The following NCAPD3 variants were observed in gnomAD, a reference collection of about 807,000 sequenced individuals.
NCAPD3 encodes non-SMC condensin II complex subunit D3, also known as condensin-2 complex subunit D3.
A neutral mutation model predicts 182.9 loss-of-function variants in NCAPD3; 105 were observed. That is an observed-to-expected ratio of 0.57 (90% CI 0.49 to 0.68). The LOEUF is 0.68. Among genes scored for constraint, NCAPD3 ranks in the 30% least tolerant of loss-of-function variants. The pLI, the probability that NCAPD3 is intolerant of heterozygous loss-of-function variation, is 0.00. For synonymous variants in NCAPD3, 815 were observed against 679.9 expected (o/e 1.20, Z -3.09); for missense variants, 1,944 against 1,837.0 (o/e 1.06, Z -1.07).
chr11:134,184,671 C>A lies in NCAPD3; in HGVS notation c.2417G>T (p.Cys806Phe), dbSNP rs1323805585. 6.2e-7 allele frequency: 1 copy of A among 1,613,826 alleles called. No homozygotes were observed. The highest frequency in any genetic ancestry group is 8.5e-7 in the Non-Finnish European group (1 of 1,179,862). ...SSAVDALQRLCRASAETPAEE... is the reference protein window; with the variant it reads ...SSAVDALQRLFRASAETPAEE... ...TGCTGGTGTCTCTGCAGATGCTCTACAAAGCCTCTGCAAGGCGTCAACAGC... is the reference window on the plus strand; with the variant it reads ...TGCTGGTGTCTCTGCAGATGCTCTAAAAAGCCTCTGCAAGGCGTCAACAGC... Residue 806 changes from cysteine (C) to phenylalanine (F), a missense_variant, in exon 19 of 35, where the codon TGT (cysteine) becomes TTT (phenylalanine). Coordinates refer to ENST00000534548, the MANE Select transcript of NCAPD3 (RefSeq NM_015261.3).
chr11:134,181,010 C>G (rs1211469442), intron 20 of NCAPD3, 67 bp downstream of exon 20: 2 of 1,193,420 alleles, frequency 1.7e-6, no homozygotes, highest in East Asian at 4.8e-5. Flanking sequence ...ATGACAAAGT[C>G]ATCTTTAATA....
rs780629837 is a variant in NCAPD3 at position 134,208,879 on chromosome 11, A to G, written c.867T>C (p.His289=). ...YGLYLLCSPI[H]GEGDKVISCV... is the part of the protein sequence containing the mutation. Reference sequence around the variant, plus strand: ...TCTCCTTTACCTTATCTCCTTCTCCATGAATGGGAGAGCACAGCAAATACA... The same window carrying G: ...TCTCCTTTACCTTATCTCCTTCTCCGTGAATGGGAGAGCACAGCAAATACA... The change falls in exon 7 of 35, where the codon CAT becomes CAC. Residue 289 remains histidine, a synonymous_variant. Transcript: ENST00000534548. 19 of 1,612,144 alleles carry G rather than the reference A, an allele frequency of 1.2e-5. No homozygotes were observed. In the Admixed American group the frequency reaches 3.2e-4, roughly 27 times the overall value.
intron 7 of NCAPD3, among the ~76,000 whole-genome samples, chr11:134,208,084 A>G (rs2136017471): frequency 6.6e-6 from 1 of 152,292 alleles, no homozygotes; most frequent in Admixed American, 6.5e-5. Flanking sequence ...TCATTCAAGG[A>G]CCCACAGCTA....
chr11:134,162,360 T>G (rs1247561148), intron 27 of NCAPD3, among the ~76,000 whole-genome samples: 2 of 152,192 alleles, frequency 1.3e-5, no homozygotes, highest in African/African-American at 2.4e-5. Flanking sequence ...GACAGCCAGC[T>G]CTGTCTCTCT....
In NCAPD3 at chr11:134,155,053, G is replaced by A. The variant is rs181797311; in HGVS notation, c.4253-1690C>T. Among the ~76,000 whole-genome samples the A allele has an allele frequency of 3.9e-5, 6 of 152,250 alleles. No individual in the cohort carries two copies. The East Asian group carries it at 1.2e-3, about 29-fold the overall frequency. On this transcript the variant is annotated intron_variant, in intron 32 of 34. Transcript: ENST00000534548. ...ATCTTTACAGAAGCCCGGGTGCGGG[G>A]GCTCTGACGTCCCCCATGCACTGTG...
chr11:134,223,434 C>CAT (rs1487130607), intron 1 of NCAPD3: 2 of 702,482 alleles, frequency 2.8e-6, no homozygotes, highest in Non-Finnish European at 5.2e-6. Context: ...ATCCCATTTT[C>CAT]ACTCATGTGA....
Position 134,223,453 on chromosome 11 carries a change from G to A in NCAPD3, c.64+410C>T, listed in dbSNP as rs1378133992. On this transcript the variant is annotated intron_variant, in intron 1 of 34. Coordinates refer to ENST00000534548, the MANE Select transcript of NCAPD3 (RefSeq NM_015261.3). ...CATTTTCACTCATGTGACGTTTGAT[G>A]ATGTCTGCATGTGAGACATCCAGTG... 3.1e-5 allele frequency: 22 copies of A among 702,454 alleles called. No individual in the cohort carries two copies. In the East Asian group the frequency reaches 5.9e-4, roughly 19 times the overall value. 43.5% of individuals were successfully genotyped at this position (702,454 alleles called of 1,614,324 possible).
At chr11:134,212,147 G>A (rs1303268855) in intron 3 of NCAPD3, among the ~76,000 whole-genome samples, 2 of 152,166 alleles carry the variant, frequency 1.3e-5, no homozygotes, top group Non-Finnish European at 2.9e-5. Context: ...ATCAAAACCT[G>A]AGAGGGTTTA....
Position 134,204,993 on chromosome 11 carries a change from C to G in NCAPD3, c.1017-22G>C, listed in dbSNP as rs767243435. 1.3e-6 allele frequency: 2 copies of G among 1,584,326 alleles called. No individual in the cohort carries two copies. The highest frequency in any genetic ancestry group is 1.7e-6 in the Non-Finnish European group (2 of 1,153,174). ...GGCGCTTTGTAAAAGAAAAACACAT[C>G]TACTGTTCACAATACAGTCAGCGAC... On this transcript the variant is annotated intron_variant, in intron 8 of 34. Coordinates refer to ENST00000534548, the MANE Select transcript of NCAPD3 (RefSeq NM_015261.3). This position sits in a 1 kb window ranked among gnomAD's most constrained non-coding sequence, Gnocchi z 4.3.
intron 30 of NCAPD3, 38 bp downstream of exon 30, chr11:134,158,291 G>C: frequency 6.2e-7 from 1 of 1,609,478 alleles, no homozygotes; most frequent in Non-Finnish European, 8.5e-7. Context: ...CATCGCCACA[G>C]AGAACCAGCC....
rs547123923 is a variant in NCAPD3 at position 134,169,193 on chromosome 11, C to G, written c.3102-139G>C. ...AAAATCTATCCCAATAAACAGTTCC[C>G]TCGGATCCAAAGAAGACAGAAATTC... On this transcript the variant is annotated intron_variant, in intron 24 of 34. Coordinates refer to ENST00000534548, the MANE Select transcript of NCAPD3 (RefSeq NM_015261.3). The G allele has an allele frequency of 1.1e-5, 9 of 783,064 alleles. No homozygotes were observed. In the Admixed American group the frequency reaches 2.2e-4, roughly 19 times the overall value. 48.5% of individuals were successfully genotyped at this position (783,064 alleles called of 1,614,324 possible).
chr11:134,218,113 G>GT lies in NCAPD3; in HGVS notation c.220-1016_220-1015insA, dbSNP rs1938095606. Among the ~76,000 whole-genome samples the GT allele has an allele frequency of 3.7e-5, 4 of 107,032 alleles. No individual in the cohort carries two copies. The Admixed American group carries it at 4.1e-4, about 11-fold the overall frequency. The allele number at this position is 107,032 out of a possible 152,430, so 70.2% of individuals were successfully genotyped here. On this transcript the variant is annotated intron_variant, in intron 2 of 34. Transcript: ENST00000534548. Reference sequence around the variant, plus strand: ...ACCCTGGTCTCAAAAAAAAAAAAGGGGGGGGGGGGAAGAAATCATCTCCTA... The same window carrying GT: ...ACCCTGGTCTCAAAAAAAAAAAAGGGTGGGGGGGGGAAGAAATCATCTCCTA...
At chr11:134,221,596 A>G (rs1436997036) in intron 1 of NCAPD3, among the ~76,000 whole-genome samples, 1 of 152,094 alleles carries the variant, frequency 6.6e-6, no homozygotes, top group Non-Finnish European at 1.5e-5. Flanking sequence ...TCACTTTCCC[A>G]AACTAAAATT....
intron 2 of NCAPD3, among the ~76,000 whole-genome samples, chr11:134,219,236 T>C (rs762344043): frequency 5.9e-5 from 9 of 152,240 alleles, no homozygotes; most frequent in Non-Finnish European, 1.2e-4. Context: ...ACTTTCTTTC[T>C]GGAACTTTCC....
intron 3 of NCAPD3, among the ~76,000 whole-genome samples, chr11:134,211,086 G>T (rs1336910118): frequency 6.6e-6 from 1 of 152,172 alleles, no homozygotes; most frequent in Non-Finnish European, 1.5e-5. Context: ...CTCACACAAG[G>T]CTCAGATACA....
chr11:134,177,154 C>G (rs1432760182), intron 23 of NCAPD3, 65 bp downstream of exon 23: 19 of 1,275,502 alleles, frequency 1.5e-5, no homozygotes, highest in Non-Finnish European at 1.7e-5. Flanking sequence ...CTATGCTACT[C>G]AAATATTCCC....
At chr11:134,191,986 C>A (rs1193679710) in intron 16 of NCAPD3, among the ~76,000 whole-genome samples, 1 of 152,180 alleles carries the variant, frequency 6.6e-6, no homozygotes, top group Non-Finnish European at 1.5e-5. Flanking sequence ...TGGCATCATG[C>A]TGACATTCAG....
At chr11:134,171,028 G>C (rs372577905) in intron 24 of NCAPD3, among the ~76,000 whole-genome samples, 2 of 151,642 alleles carry the variant, frequency 1.3e-5, no homozygotes, top group African/African-American at 2.4e-5. Context: ...AACATTCCAA[G>C]TAATGCTTCC....
At chr11:134,164,901 G>T (rs1009345285) in intron 27 of NCAPD3, among the ~76,000 whole-genome samples, 1 of 151,828 alleles carries the variant, frequency 6.6e-6, no homozygotes, top group African/African-American at 2.4e-5. Flanking sequence ...AGCTTAGGGG[G>T]AGCTGCACAC....
Sources: allele counts gnomAD v4.1 joint callset (sites outside exome capture counted in the v4.1 genomes callset), GRCh38; gene constraint gnomAD v4.1.1; non-coding constraint Gnocchi (gnomAD v3.1); transcripts MANE v1.5; gene names NCBI Gene and HGNC (gene_info 2026-07-23, HGNC 2026-07-21).